PPFIBP1: variants seen among roughly 807,000 people sequenced by gnomAD.
PPFIBP1 encodes the protein PPFIB scaffold protein 1.
A neutral mutation model predicts 137.8 loss-of-function variants in PPFIBP1; 112 were observed. The observed-to-expected ratio is 0.81, with a 90% CI of 0.70 to 0.95. PPFIBP1 has a LOEUF of 0.95. Ranked by LOEUF, PPFIBP1 falls within the 40% of genes least tolerant of loss-of-function variation. The pLI is 0.00. For missense variants in PPFIBP1, 1,083 were observed against 1,196.6 expected, an observed-to-expected ratio of 0.91 and a Z score of 1.40; for synonymous variants, 378 against 417.3, an observed-to-expected ratio of 0.91 and a Z score of 1.15.
In PPFIBP1 at chr12:27,623,479, T is replaced by C. The variant is rs1344566366; in HGVS notation, c.-35-9883T>C. Among the ~76,000 whole-genome samples the C allele has an allele frequency of 2.6e-5, 4 of 152,104 alleles. No homozygotes were observed. The East Asian group carries it at 5.8e-4, about 22-fold the overall frequency. ...CTTTGGGAAGCCAAGGGGGAAAGGA[T>C]TGCTTGAGCTCAGGAGTGTGAGACC... is the stretch of plus-strand genomic sequence containing the variant. On this transcript the variant is annotated intron_variant, in intron 2 of 29. Coordinates refer to ENST00000228425, the MANE Select transcript of PPFIBP1 (RefSeq NM_003622.4).
At chr12:27,613,534 C>G (rs1488732199) in intron 2 of PPFIBP1, among the ~76,000 whole-genome samples, 2 of 152,056 alleles carry the variant, frequency 1.3e-5, no homozygotes. Context: ...AAAACCCCAT[C>G]TCTACTAAAA....
intron 2 of PPFIBP1, chr12:27,592,782 G>C (rs1046616561): frequency 4.0e-6 from 3 of 754,204 alleles, no homozygotes; most frequent in Non-Finnish European, 6.9e-6. Context: ...TTAGGTAGGC[G>C]TAACCATGAC....
At chr12:27,559,482 T>C (rs2048985500) in intron 1 of PPFIBP1, among the ~76,000 whole-genome samples, 1 of 152,218 alleles carries the variant, frequency 6.6e-6, no homozygotes, top group African/African-American at 2.4e-5. Context: ...TAGTGATTTT[T>C]CAACATCAAT....
rs557404586 is a variant in PPFIBP1 at position 27,642,077 on chromosome 12, C to T, written c.271-3985C>T. Among the ~76,000 whole-genome samples, 83 of 152,254 alleles carry T rather than the reference C, an allele frequency of 5.5e-4. No individual in the cohort carries two copies. The Middle Eastern group carries it at 0.02, about 37-fold the overall frequency. The stretch of plus-strand genomic sequence containing the variant: ...ATGTAGAGTCAGGGAATTCGTTTTC[C>T]GGGTGAGGTTCCTGGCTAGCTCTAA... On this transcript the variant is annotated intron_variant, in intron 4 of 29. Coordinates refer to ENST00000228425, the MANE Select transcript of PPFIBP1 (RefSeq NM_003622.4).
At chr12:27,684,741 ATAT>A (rs34337332) in intron 24 of PPFIBP1, among the ~76,000 whole-genome samples, 67,336 of 151,492 alleles carry the variant, frequency 0.44, 15,798 homozygotes, top group Non-Finnish European at 0.54. Flanking sequence ...AATATTACTA[ATAT>A]TATTATAGTG....
intron 2 of PPFIBP1, among the ~76,000 whole-genome samples, 175 bp from the exon 3 acceptor site, chr12:27,633,187 A>T (rs895364190): frequency 6.6e-6 from 1 of 152,214 alleles, no homozygotes; most frequent in African/African-American, 2.4e-5. Context: ...TGATACAGGT[A>T]TCGCATGTGG....
rs1021937074 is a variant in PPFIBP1 at position 27,624,010 on chromosome 12, G to A, written c.-35-9352G>A. Among the ~76,000 whole-genome samples, 5 of 152,080 alleles carry A rather than the reference G, an allele frequency of 3.3e-5. No homozygotes were observed. In the South Asian group the frequency reaches 6.2e-4, roughly 19 times the overall value. On this transcript the variant is annotated intron_variant, in intron 2 of 29. Coordinates refer to ENST00000228425, the MANE Select transcript of PPFIBP1 (RefSeq NM_003622.4). ...AAATCAGGGCTGTCATGGAGGTGGC[G>A]GTCAGGCTGGCCTTGGAGGAAAGAA...
intron 1 of PPFIBP1, among the ~76,000 whole-genome samples, chr12:27,573,804 G>A (rs1592560817): frequency 2.0e-5 from 3 of 152,252 alleles, no homozygotes; most frequent in Admixed American, 2.0e-4. Context: ...GTTACAAAGT[G>A]AGACCTCATC....
At chr12:27,556,724 G>A (rs1028934541) in intron 1 of PPFIBP1, among the ~76,000 whole-genome samples, 1 of 152,206 alleles carries the variant, frequency 6.6e-6, no homozygotes, top group African/African-American at 2.4e-5. Context: ...TTCAGCAGGA[G>A]AGAGCAAGTT....
At chr12:27,550,598 A>G (rs1488305088) in intron 1 of PPFIBP1, among the ~76,000 whole-genome samples, 1 of 152,188 alleles carries the variant, frequency 6.6e-6, no homozygotes, top group East Asian at 1.9e-4. Flanking sequence ...TTTTACAGAG[A>G]TTAAATAACT....
intron 2 of PPFIBP1, among the ~76,000 whole-genome samples, chr12:27,590,219 G>A (rs1205933577): frequency 6.6e-6 from 1 of 151,752 alleles, no homozygotes; most frequent in Admixed American, 6.6e-5. Flanking sequence ...CCCATTGCCC[G>A]GGCTGGAGTG....
At chr12:27,595,573 G>A (rs1437429116) in intron 2 of PPFIBP1, among the ~76,000 whole-genome samples, 1 of 152,150 alleles carries the variant, frequency 6.6e-6, no homozygotes, top group African/African-American at 2.4e-5. Context: ...CTGTGCCCTA[G>A]GCCGGGCGCA....
intron 1 of PPFIBP1, among the ~76,000 whole-genome samples, chr12:27,539,819 T>C (rs1271604075): frequency 6.6e-6 from 1 of 152,168 alleles, no homozygotes; most frequent in Non-Finnish European, 1.5e-5. Context: ...CACATGAAGG[T>C]ATAATTAGCT....
intron 2 of PPFIBP1, among the ~76,000 whole-genome samples, chr12:27,597,013 C>G (rs569428782): frequency 6.6e-6 from 1 of 152,088 alleles, no homozygotes; most frequent in Non-Finnish European, 1.5e-5. Context: ...TGATCCAGGC[C>G]GAAATAAACC....
intron 23 of PPFIBP1, 48 bp from the exon 24 acceptor site, chr12:27,682,567 G>A (rs1407317908): frequency 3.7e-6 from 6 of 1,609,522 alleles, no homozygotes; most frequent in African/African-American, 1.3e-5. Context: ...TTAATCACAA[G>A]AACAGATGTT....
chr12:27,595,576 C>T lies in PPFIBP1; in HGVS notation c.-36+17337C>T, dbSNP rs544164312. On this transcript the variant is annotated intron_variant, in intron 2 of 29. Coordinates refer to ENST00000228425, the MANE Select transcript of PPFIBP1 (RefSeq NM_003622.4). ...TTCCAAAATATTCTGTGCCCTAGGC[C>T]GGGCGCAGTGGCTCACGCTTATAAT... is the stretch of plus-strand genomic sequence containing the variant. Among the ~76,000 whole-genome samples, 21 of 152,126 alleles carry T rather than the reference C, an allele frequency of 1.4e-4. No homozygotes were observed. In the East Asian group the frequency reaches 3.9e-3, roughly 28 times the overall value.
intron 24 of PPFIBP1, among the ~76,000 whole-genome samples, chr12:27,683,888 T>C (rs1230829665): frequency 2.6e-5 from 4 of 151,818 alleles, no homozygotes; most frequent in East Asian, 1.9e-4. Context: ...CCTGGGTTCA[T>C]GCCATTCTCC....
chr12:27,681,612 C>T lies in PPFIBP1; in HGVS notation c.1962C>T (p.Gly654=). The change falls in exon 22 of 30, where the codon GGC becomes GGT. Residue 654 remains glycine (G), a synonymous_variant. Coordinates refer to ENST00000228425, the MANE Select transcript of PPFIBP1 (RefSeq NM_003622.4). ...EQVCNWLMEQ[G]LGSYLNSGKH... ...TTTGCAATTGGCTGATGGAACAGGG[C>T]TTGGGCTCGTACCTGAATTCTGGCA... The T allele has an allele frequency of 6.2e-7, 1 of 1,614,158 alleles. No homozygotes were observed. The highest frequency in any genetic ancestry group is 8.5e-7 in the Non-Finnish European group (1 of 1,180,002).
intron 1 of PPFIBP1, among the ~76,000 whole-genome samples, chr12:27,542,850 A>G (rs1945818555): frequency 6.6e-6 from 1 of 152,136 alleles, no homozygotes; most frequent in African/African-American, 2.4e-5. Context: ...GTTCATGTAA[A>G]AAGCACAGAC....
Sources: gnomAD v4.1 joint callset for allele counts (sites outside exome capture counted in the v4.1 genomes callset) on GRCh38, gnomAD v4.1.1 for gene constraint, MANE v1.5 for transcripts, NCBI Gene and HGNC (gene_info 2026-07-23, HGNC 2026-07-21) for gene names.